The following NUP93 variants were observed in gnomAD, a reference collection of about 807,000 sequenced individuals.
The protein encoded by NUP93 is nuclear pore complex protein Nup93.
In NUP93, 55 loss-of-function variants were observed where a neutral mutation model predicts 107.8. That is an observed-to-expected ratio of 0.51 (90% CI 0.41 to 0.64). The LOEUF (loss-of-function observed/expected upper bound fraction) is 0.64. Among genes scored for constraint, NUP93 ranks in the 30% least tolerant of loss-of-function variants. The pLI is 0.00. For synonymous variants in NUP93, 390 were observed against 397.5 expected, an observed-to-expected ratio of 0.98 and a Z score of 0.22; for missense variants, 937 against 1,044.7, an observed-to-expected ratio of 0.90 and a Z score of 1.42.
chr16:56,842,699 C>T lies in NUP93; in HGVS notation c.2349+866C>T, dbSNP rs115685283. ...TCCCAAGTAGCTGGGACTACAGGTA[C>T]GCACCACCACACCCAGCGGAGTTTT... On this transcript the variant is annotated intron_variant, in intron 21 of 21. Coordinates refer to ENST00000308159, the MANE Select transcript of NUP93 (RefSeq NM_014669.5). 1,307 of 424,216 alleles carry T rather than the reference C, an allele frequency of 3.1e-3. 17 individuals carry two copies. Among genetic ancestry groups the T allele is most frequent in the African/African-American group, 0.025 (1,180 of 47,980 alleles). 26.3% of individuals were successfully genotyped at this position (424,216 alleles called of 1,614,324 possible). A position where few individuals can be genotyped will look rare whatever the true frequency, so the allele number is the denominator to read the frequency against.
intron 5 of NUP93, among the ~76,000 whole-genome samples, chr16:56,815,868 G>GCTGCTA (rs1555495738): frequency 6.5e-5 from 9 of 139,108 alleles, no homozygotes; most frequent in Non-Finnish European, 1.1e-4. Flanking sequence ...TACTGCTACT[G>GCTGCTA]CTGCTGCTGC....
At chr16:56,806,400 C>T (rs775628484) in intron 5 of NUP93, among the ~76,000 whole-genome samples, 7 of 152,034 alleles carry the variant, frequency 4.6e-5, no homozygotes, top group Non-Finnish European at 8.8e-5. Flanking sequence ...TGAACTTGGC[C>T]TCCTAACTGG....
intron 3 of NUP93, among the ~76,000 whole-genome samples, chr16:56,768,619 G>C (rs1412559936): frequency 1.3e-5 from 2 of 151,240 alleles, no homozygotes; most frequent in African/African-American, 4.9e-5. Flanking sequence ...TGTAATCCCA[G>C]CACTTTGGAG....
rs140837235 is a variant in NUP93 at position 56,837,655 on chromosome 16, C to T, written c.1947C>T (p.Val649=). 182 of 1,614,172 alleles carry T rather than the reference C, an allele frequency of 1.1e-4. No individual in the cohort carries two copies. The African/African-American group carries it at 1.5e-3, about 13-fold the overall frequency. ...TGATGAACAAACTGCTGAGCCCTGT[C>T]GTCCCCCAGATCAGTGCCCCGCAAT... ...LELMNKLLSP[V]VPQISAPQSN... is the part of the protein sequence containing the mutation. The change falls in exon 18 of 22, where the codon GTC becomes GTT. Residue 649 remains valine, a synonymous_variant. Transcript: ENST00000308159.
chr16:56,767,933 AG>A (rs1188458671), intron 3 of NUP93, among the ~76,000 whole-genome samples: 2 of 152,204 alleles, frequency 1.3e-5, no homozygotes, highest in Admixed American at 6.5e-5. Flanking sequence ...TTCTCAAACC[AG>A]TTTTTTTCTT....
rs1208720291 is a variant in NUP93, at chr16:56,791,726, ATGTTACG to A, written c.298-6748_298-6742del. Among the ~76,000 whole-genome samples, 38 of 152,340 alleles carry A rather than the reference ATGTTACG, an allele frequency of 2.5e-4. 1 individual carries two copies. The highest frequency in any genetic ancestry group is 2.5e-3 in the Admixed American group (38 of 15,304). On this transcript the variant is annotated intron_variant, in intron 3 of 21. Coordinates refer to ENST00000308159, the MANE Select transcript of NUP93 (RefSeq NM_014669.5). ...CCTTAGGAGAATCAAGTTAACCTTG[ATGTTACG>A]TTCTGGGTTGTTCTTTGCCAGGATA...
At chr16:56,748,474 A>G (rs1377556136) in intron 2 of NUP93, 48 bp downstream of exon 2, 2 of 1,486,212 alleles carry the variant, frequency 1.3e-6, no homozygotes, top group Non-Finnish European at 1.8e-6. Flanking sequence ...GCTTGCGGGC[A>G]GGATCTGTTT....
chr16:56,750,225 G>GT (rs1460375524), intron 2 of NUP93, among the ~76,000 whole-genome samples: 7 of 152,182 alleles, frequency 4.6e-5, no homozygotes, highest in Non-Finnish European at 7.4e-5. Context: ...AAGTTGGAAT[G>GT]TTGAAAGAAT....
chr16:56,742,884 A>G (rs1483615301), intron 1 of NUP93, among the ~76,000 whole-genome samples: 2 of 152,244 alleles, frequency 1.3e-5, no homozygotes, highest in Non-Finnish European at 2.9e-5. Flanking sequence ...AAAGGAAGAG[A>G]GGTATTCTAC....
At chr16:56,824,040 C>T (rs1963606131) in intron 8 of NUP93, among the ~76,000 whole-genome samples, 194 bp downstream of exon 8, 1 of 152,146 alleles carries the variant, frequency 6.6e-6, no homozygotes, top group Non-Finnish European at 1.5e-5. Context: ...ACTGTTTCTG[C>T]AGTGGTATAA....
intron 6 of NUP93, 114 bp from the exon 7 acceptor site, chr16:56,821,390 C>A: frequency 1.5e-6 from 1 of 686,872 alleles, no homozygotes; most frequent in Middle Eastern, 2.5e-4. Context: ...GGCTCAGCCA[C>A]TCCGAGGAAG....
At chr16:56,798,169 A>G (rs1347972342) in intron 3 of NUP93, among the ~76,000 whole-genome samples, 2 of 152,254 alleles carry the variant, frequency 1.3e-5, no homozygotes, top group African/African-American at 4.8e-5. Context: ...TGTATCTGCA[A>G]TATGAGCCAT....
chr16:56,754,225 A>G (rs1187545675), intron 2 of NUP93, among the ~76,000 whole-genome samples: 10 of 152,178 alleles, frequency 6.6e-5, no homozygotes, highest in African/African-American at 2.2e-4. Context: ...CCTATGGTCC[A>G]GTCATCTCCC....
rs1156766136 is a variant in NUP93 at position 56,738,601 on chromosome 16, AT to A, written c.-15+8399del. On this transcript the variant is annotated intron_variant, in intron 1 of 21. Transcript: ENST00000308159. ...CAGGGCTGTAAAGAACTTTCCAACA[AT>A]TTTTTTTTCCCTCTCCTCTCTCTTC... 1.2e-4 allele frequency among the ~76,000 whole-genome samples: 18 copies of A among 151,520 alleles called. No homozygotes were observed. The East Asian group carries it at 1.7e-3, about 15-fold the overall frequency.
chr16:56,783,358 C>A, intron 3 of NUP93: 1 of 390,540 alleles, frequency 2.6e-6, no homozygotes, highest in Non-Finnish European at 3.5e-6. Context: ...AGCTGCTCAG[C>A]AGAGGGAGAG....
chr16:56,833,458 T>G (rs760873853), intron 13 of NUP93, 52 bp downstream of exon 13: 3 of 1,423,524 alleles, frequency 2.1e-6, no homozygotes. Flanking sequence ...ACGTCCCCCT[T>G]GGGGCGACGG....
At chr16:56,735,303 C>T (rs1038495663) in intron 1 of NUP93, among the ~76,000 whole-genome samples, 7 of 152,158 alleles carry the variant, frequency 4.6e-5, no homozygotes, top group African/African-American at 1.4e-4. Context: ...CCAAAGTCAT[C>T]GAGCTAAAGA....
At chr16:56,783,670 C>T in intron 3 of NUP93, 1 of 985,398 alleles carries the variant, frequency 1.0e-6, no homozygotes, top group Non-Finnish European at 1.2e-6. Flanking sequence ...TCTCAGCCAC[C>T]ATTTTTAACA....
chr16:56,783,757 G>C (rs1962565265), intron 3 of NUP93: 2 of 985,386 alleles, frequency 2.0e-6, no homozygotes, highest in Admixed American at 1.2e-4. Flanking sequence ...TAGGTTCCAT[G>C]GCACAGGAGC....
Sources: gnomAD v4.1 joint callset for allele counts (sites outside exome capture counted in the v4.1 genomes callset) on GRCh38, gnomAD v4.1.1 for gene constraint, MANE v1.5 for transcripts, NCBI Gene and HGNC (gene_info 2026-07-23, HGNC 2026-07-21) for gene names.